CSMD1: variants seen among roughly 807,000 people sequenced by gnomAD.
CSMD1 encodes CUB and sushi domain-containing protein 1.
A neutral mutation model predicts 417.5 loss-of-function variants in CSMD1; 213 were observed. The observed-to-expected ratio is 0.51, with a 90% CI of 0.46 to 0.57. CSMD1 has a LOEUF of 0.57. CSMD1 is among the 20% of genes least tolerant of loss of function. CSMD1 has a pLI of 0.00. For synonymous variants in CSMD1, 2,862 were observed against 1,736.8 expected (o/e 1.65, Z -16.11); for missense variants, 6,923 against 4,529.7 (o/e 1.53, Z -15.17).
intron 3 of CSMD1, among the ~76,000 whole-genome samples, chr8:4,400,012 C>T (rs533541766): frequency 4.1e-4 from 62 of 152,068 alleles, no homozygotes; most frequent in Non-Finnish European, 7.5e-4. Flanking sequence ...ATTCCCACAC[C>T]ATCTAGTGGA....
intron 1 of CSMD1, among the ~76,000 whole-genome samples, chr8:4,815,420 G>C (rs1305224506): frequency 2.0e-5 from 3 of 151,964 alleles, no homozygotes; most frequent in Non-Finnish European, 4.4e-5. Flanking sequence ...AAGGAACCGG[G>C]CTTATTGGCT....
intron 5 of CSMD1, among the ~76,000 whole-genome samples, chr8:3,830,086 T>G (rs1802287656): frequency 6.6e-6 from 1 of 152,234 alleles, no homozygotes; most frequent in South Asian, 2.1e-4. Flanking sequence ...AATTTTCTTC[T>G]GTGCCCGTTT....
At chr8:4,496,062 G>T (rs1801962160) in intron 2 of CSMD1, among the ~76,000 whole-genome samples, 1 of 152,036 alleles carries the variant, frequency 6.6e-6, no homozygotes, top group Non-Finnish European at 1.5e-5. Flanking sequence ...TTTTTCTTTT[G>T]TTCCACTTAA....
At chr8:3,239,584 A>G (rs1029571069) in intron 26 of CSMD1, among the ~76,000 whole-genome samples, 7 of 151,894 alleles carry the variant, frequency 4.6e-5, no homozygotes, top group Non-Finnish European at 1.0e-4. Context: ...GGCCTGAATA[A>G]TCTCTGAGAA....
intron 26 of CSMD1, among the ~76,000 whole-genome samples, chr8:3,279,472 C>T (rs533107263): frequency 2.8e-4 from 43 of 152,232 alleles, no homozygotes; most frequent in African/African-American, 8.4e-4. Flanking sequence ...CATATGCTTG[C>T]CAAGGTCCTT....
intron 39 of CSMD1, 36 bp from the exon 40 acceptor site, chr8:3,151,549 T>C (rs1422315277): frequency 7.5e-7 from 1 of 1,341,592 alleles, no homozygotes; most frequent in Non-Finnish European, 1.1e-6. Flanking sequence ...CTGCAGGTCC[T>C]CACTTTCTCC....
At chr8:2,972,337 T>C (rs1015557910) in intron 57 of CSMD1, among the ~76,000 whole-genome samples, 1 of 152,224 alleles carries the variant, frequency 6.6e-6, no homozygotes, top group Non-Finnish European at 1.5e-5. Flanking sequence ...AAGTGTTTCA[T>C]ACATACAACA....
intron 3 of CSMD1, among the ~76,000 whole-genome samples, chr8:4,338,890 C>G (rs547568373): frequency 1.3e-5 from 2 of 152,132 alleles, no homozygotes; most frequent in African/African-American, 4.8e-5. Context: ...GAACCTTTTA[C>G]TAGAACTGAC....
rs141662190 is a variant in CSMD1 at position 4,932,037 on chromosome 8, T to C, written c.85+62295A>G. Among the ~76,000 whole-genome samples, 346 of 152,314 alleles carry C rather than the reference T, an allele frequency of 2.3e-3. 2 individuals carry two copies. The highest frequency in any genetic ancestry group is 7.6e-3 in the African/African-American group (318 of 41,576). On this transcript the variant is annotated intron_variant, in intron 1 of 69. Coordinates refer to ENST00000635120, the MANE Select transcript of CSMD1 (RefSeq NM_033225.6). Reference sequence around the variant, plus strand: ...CATAGCTACTAATAAATAAAATGCATATTGCTAACATTTCTTTGGTATATA... The same window carrying C: ...CATAGCTACTAATAAATAAAATGCACATTGCTAACATTTCTTTGGTATATA...
At chr8:3,463,432 C>T (rs1816631109) in intron 12 of CSMD1, among the ~76,000 whole-genome samples, 2 of 152,208 alleles carry the variant, frequency 1.3e-5, no homozygotes, top group Admixed American at 1.3e-4. Context: ...TGACAGTCAA[C>T]TGAGCATTCC....
intron 7 of CSMD1, among the ~76,000 whole-genome samples, chr8:3,679,418 A>C (rs1799538791): frequency 6.6e-6 from 1 of 152,214 alleles, no homozygotes; most frequent in Admixed American, 6.5e-5. Context: ...TAAACCAACA[A>C]AGATCAAAAG....
chr8:4,039,135 A>G (rs1387372259), intron 3 of CSMD1, among the ~76,000 whole-genome samples: 1 of 152,232 alleles, frequency 6.6e-6, no homozygotes, highest in Non-Finnish European at 1.5e-5. Context: ...CAACGGCAGC[A>G]TTTTCAACAG....
intron 1 of CSMD1, among the ~76,000 whole-genome samples, chr8:4,711,188 C>A (rs1048539817): frequency 3.3e-5 from 5 of 149,968 alleles, no homozygotes; most frequent in Non-Finnish European, 5.9e-5. Context: ...CCTTTTATTA[C>A]TCATACTTGG....
intron 1 of CSMD1, among the ~76,000 whole-genome samples, chr8:4,726,701 T>G (rs1160742655): frequency 1.3e-5 from 2 of 152,224 alleles, no homozygotes; most frequent in African/African-American, 4.8e-5. Context: ...CAGTTCTAAT[T>G]TTATTCATTC....
chr8:4,607,497 C>T (rs1800939537), intron 2 of CSMD1, among the ~76,000 whole-genome samples: 1 of 152,066 alleles, frequency 6.6e-6, no homozygotes, highest in Admixed American at 6.5e-5. Flanking sequence ...AGGGTGTGTG[C>T]CAAGCTGGCT....
chr8:4,041,796 C>G (rs933726317), intron 3 of CSMD1, among the ~76,000 whole-genome samples: 4 of 151,906 alleles, frequency 2.6e-5, no homozygotes, highest in South Asian at 4.2e-4. Flanking sequence ...TATTAAAAAA[C>G]AAACAAACAT....
At chr8:4,294,258 GACAA>G (rs778468370) in intron 3 of CSMD1, among the ~76,000 whole-genome samples, 1 of 152,142 alleles carries the variant, frequency 6.6e-6, no homozygotes, top group Non-Finnish European at 1.5e-5. Flanking sequence ...TAGATCGTGT[GACAA>G]ACAATCACCT....
chr8:3,373,463 T>A (rs1296921427), intron 18 of CSMD1: 5 of 152,336 alleles, frequency 3.3e-5, no homozygotes, highest in Middle Eastern at 3.4e-3. Context: ...ATAAAAGTAA[T>A]TCTGTCCACA....
chr8:3,551,590 ATATATATTT>A (rs1183956419), intron 10 of CSMD1, among the ~76,000 whole-genome samples: 282 of 105,088 alleles, frequency 2.7e-3, no homozygotes, highest in African/African-American at 0.011. Context: ...ATATATATAT[ATATATATTT>A]TTTTTTTTTT....
Sources: gnomAD v4.1 joint callset for allele counts (sites outside exome capture counted in the v4.1 genomes callset) on GRCh38, gnomAD v4.1.1 for gene constraint, MANE v1.5 for transcripts, NCBI Gene and HGNC (gene_info 2026-07-23, HGNC 2026-07-21) for gene names.